Variants in CMTM7 observed in about 807,000 individuals in gnomAD.
CMTM7 encodes the protein CKLF like MARVEL transmembrane domain containing 7.
CMTM7 carries 7 observed loss-of-function variants against 19.3 expected under a neutral mutation model. That is an observed-to-expected ratio of 0.36 (90% confidence interval 0.21 to 0.68). The LOEUF is 0.68. Among genes scored for constraint, CMTM7 ranks in the 30% least tolerant of loss-of-function variants. The pLI, the probability that CMTM7 is intolerant of heterozygous loss-of-function variation, is 0.60. For synonymous variants in CMTM7, 87 were observed against 99.3 expected, an observed-to-expected ratio of 0.88 and a Z score of 0.74; for missense variants, 193 against 232.6, an observed-to-expected ratio of 0.83 and a Z score of 1.11.
At chr3:32,438,428 A>C (rs1696629077) in intron 1 of CMTM7, among the ~76,000 whole-genome samples, 1 of 152,168 alleles carries the variant, frequency 6.6e-6, no homozygotes, top group South Asian at 2.1e-4. Flanking sequence ...CAGCATTTGC[A>C]GAAGTTACCT....
At chr3:32,448,015 C>T (rs181089531) in intron 2 of CMTM7, among the ~76,000 whole-genome samples, 29 of 152,156 alleles carry the variant, frequency 1.9e-4, no homozygotes, top group African/African-American at 6.7e-4. Context: ...CTTTTGAGAA[C>T]AAATTCCTCT....
At chr3:32,424,590 T>G (rs780329638) in intron 1 of CMTM7, among the ~76,000 whole-genome samples, 23 of 152,088 alleles carry the variant, frequency 1.5e-4, no homozygotes, top group Non-Finnish European at 2.6e-4. Context: ...GGGAGCTTGT[T>G]TAAGCCTCTT....
intron 2 of CMTM7, among the ~76,000 whole-genome samples, chr3:32,442,634 A>T (rs944535767): frequency 1.3e-5 from 2 of 151,944 alleles, no homozygotes; most frequent in Non-Finnish European, 2.9e-5. Context: ...GTAGGTGAAG[A>T]TGATGGGTAT....
At chr3:32,419,586 C>A (rs1487790246) in intron 1 of CMTM7, among the ~76,000 whole-genome samples, 2 of 152,144 alleles carry the variant, frequency 1.3e-5, no homozygotes, top group Non-Finnish European at 2.9e-5. Flanking sequence ...TTAATCATGA[C>A]TGGATATTGA....
chr3:32,421,093 CT>C (rs757566809), intron 1 of CMTM7, among the ~76,000 whole-genome samples: 25 of 150,956 alleles, frequency 1.7e-4, no homozygotes, highest in Non-Finnish European at 2.9e-4. Context: ...TCTCCCTTTT[CT>C]TCTGGCCACT....
chr3:32,451,384 G>A (rs778593950), intron 3 of CMTM7: 4 of 152,458 alleles, frequency 2.6e-5, no homozygotes, highest in Non-Finnish European at 5.9e-5. Flanking sequence ...TGCAGAGTGC[G>A]GACTCTGGAG....
intron 1 of CMTM7, among the ~76,000 whole-genome samples, chr3:32,421,375 G>T (rs1405641475): frequency 6.6e-6 from 1 of 152,052 alleles, no homozygotes; most frequent in East Asian, 1.9e-4. Flanking sequence ...TGTGCAGTTT[G>T]CCTAACATGG....
intron 3 of CMTM7, among the ~76,000 whole-genome samples, chr3:32,450,120 T>C (rs1040029259): frequency 1.3e-5 from 2 of 152,238 alleles, no homozygotes; most frequent in Non-Finnish European, 2.9e-5. Context: ...TATATATGTA[T>C]ATACATACAG....
At chr3:32,399,257 C>A (rs776534314) in intron 1 of CMTM7, among the ~76,000 whole-genome samples, 3 of 145,946 alleles carry the variant, frequency 2.1e-5, no homozygotes, top group Admixed American at 6.8e-5. Context: ...TTTTATGGAA[C>A]CTTTTGTTTT....
chr3:32,408,552 G>A lies in CMTM7; in HGVS notation c.159+16487G>A, dbSNP rs140640367. Reference sequence around the variant, plus strand: ...CCTTGAATTTCTGCTGAGAAAAACGGAACAATAAAGACAGAAGAAAACATC... The same window carrying A: ...CCTTGAATTTCTGCTGAGAAAAACGAAACAATAAAGACAGAAGAAAACATC... On this transcript the variant is annotated intron_variant, in intron 1 of 4. Transcript: ENST00000334983. Among the ~76,000 whole-genome samples the A allele has an allele frequency of 3.6e-3, 477 of 131,466 alleles. 5 individuals carry two copies. Among genetic ancestry groups the A allele is most frequent in the African/African-American group, 0.011 (463 of 40,594 alleles). 86.2% of individuals were successfully genotyped at this position (131,466 alleles called of 152,430 possible).
At chr3:32,452,322 A>C in intron 3 of CMTM7, 70 bp from the exon 4 acceptor site, 1 of 1,612,738 alleles carries the variant, frequency 6.2e-7, no homozygotes, top group East Asian at 2.2e-5. Context: ...CAGAGATGAG[A>C]AGCAGACAGG....
intron 1 of CMTM7, among the ~76,000 whole-genome samples, chr3:32,420,785 C>G (rs1248548164): frequency 1.3e-5 from 2 of 152,196 alleles, no homozygotes; most frequent in Non-Finnish European, 2.9e-5. Flanking sequence ...AGAACTGGGT[C>G]TGGGGGCAGG....
At chr3:32,393,235 G>T (rs1279010355) in intron 1 of CMTM7, among the ~76,000 whole-genome samples, 1 of 152,202 alleles carries the variant, frequency 6.6e-6, no homozygotes, top group South Asian at 2.1e-4. Flanking sequence ...GAGAAGGGGC[G>T]CTGAGTTCCT....
rs1329518015 is a variant in CMTM7, at chr3:32,449,800, A to T, written c.432+248A>T. On this transcript the variant is annotated intron_variant, in intron 3 of 4. Transcript: ENST00000334983. The surrounding 1 kb of genome is among the most constrained non-coding windows in gnomAD (Gnocchi z 4.5). ...GCCCAGGCCTCTCTCTCTTACAGGC[A>T]CTACTGAAATCAGGGGGCCAGGCGG... 6.6e-6 allele frequency among the ~76,000 whole-genome samples: 1 copy of T among 152,150 alleles called. No individual in the cohort carries two copies.
intron 1 of CMTM7, among the ~76,000 whole-genome samples, chr3:32,406,949 C>G (rs1377567501): frequency 6.6e-6 from 1 of 152,188 alleles, no homozygotes; most frequent in Non-Finnish European, 1.5e-5. Context: ...TCAGACAGCT[C>G]TAGTTGTCCA....
chr3:32,447,870 ACCACCTCTG>A (rs1266372641), intron 2 of CMTM7, among the ~76,000 whole-genome samples: 2 of 152,150 alleles, frequency 1.3e-5, no homozygotes, highest in Non-Finnish European at 2.9e-5. Flanking sequence ...ATCCAATCTG[ACCACCTCTG>A]CATCTTGATT....
Position 32,391,882 on chromosome 3 carries a change from G to A in CMTM7, c.-25G>A. On this transcript the variant is annotated 5_prime_UTR_variant, in exon 1 of 5. Coordinates refer to ENST00000334983, the MANE Select transcript of CMTM7 (RefSeq NM_138410.4). ...GGCCCCTGGGCAGCTGCCCGGGGAG[G>A]CGGCCAGCGAGCTGGGGCCGCGCAA... is the stretch of plus-strand genomic sequence containing the variant. 1 of 1,208,592 alleles carries A rather than the reference G, an allele frequency of 8.3e-7. No individual in the cohort carries two copies. The highest frequency in any genetic ancestry group is 1.0e-6 in the Non-Finnish European group (1 of 972,676). The allele number at this position is 1,208,592 out of a possible 1,614,324, so 74.9% of individuals were successfully genotyped here.
At chr3:32,441,809 C>G (rs1228963883) in intron 1 of CMTM7, 31 bp from the exon 2 acceptor site, 1 of 1,605,226 alleles carries the variant, frequency 6.2e-7, no homozygotes, top group South Asian at 1.1e-5. Flanking sequence ...CTTGGGCAAG[C>G]ATTTCTCTGA....
chr3:32,403,271 G>A (rs1177442031), intron 1 of CMTM7, among the ~76,000 whole-genome samples: 1 of 152,208 alleles, frequency 6.6e-6, no homozygotes, highest in Admixed American at 6.5e-5. Context: ...CTGGAGTGCA[G>A]TGGTGCTATC....
Sources: allele counts gnomAD v4.1 joint callset (sites outside exome capture counted in the v4.1 genomes callset), GRCh38; gene constraint gnomAD v4.1.1; non-coding constraint Gnocchi (gnomAD v3.1); transcripts MANE v1.5; gene names NCBI Gene and HGNC (gene_info 2026-07-23, HGNC 2026-07-21).